NRG1: variants seen among roughly 807,000 people sequenced by gnomAD.
NRG1 encodes the protein neuregulin 1.
In NRG1, 18 loss-of-function variants were observed where a neutral mutation model predicts 63.8. The ratio of observed to expected loss-of-function variants is 0.28; its 90% CI spans 0.19 to 0.42. NRG1 has a LOEUF of 0.42. Ranked by LOEUF, NRG1 falls within the 10% of genes least tolerant of loss-of-function variation. The pLI is 1.00. For synonymous variants in NRG1, 302 were observed against 301.3 expected, an observed-to-expected ratio of 1.00 and a Z score of -0.02; for missense variants, 762 against 814.7, an observed-to-expected ratio of 0.94 and a Z score of 0.79.
rs542465007 is a variant in NRG1 at position 32,527,437 on chromosome 8, C to T, written c.38-68391C>T. Among the ~76,000 whole-genome samples the T allele has an allele frequency of 7.9e-5, 12 of 151,808 alleles. No individual in the cohort carries two copies. In the East Asian group the frequency reaches 2.1e-3, roughly 27 times the overall value. ...CAGAAAGTCAAATATTACATGTTCT[C>T]TACTTATAAGTGGGAGCTAAATATG... On this transcript the variant is annotated intron_variant, in intron 1 of 10. Coordinates refer to the NRG1 transcript ENST00000519301.
chr8:32,676,339 T>G (rs1807112639), intron 5 of NRG1, among the ~76,000 whole-genome samples: 1 of 152,152 alleles, frequency 6.6e-6, no homozygotes, highest in African/African-American at 2.4e-5. Context: ...CTTTGCACAC[T>G]TGGAAAGGTG....
rs574616651 is a variant in NRG1 at position 32,374,156 on chromosome 8, C to T, written c.38-221672C>T. Among the ~76,000 whole-genome samples the T allele has an allele frequency of 2.4e-4, 37 of 152,202 alleles. 1 individual carries two copies. The highest frequency in any genetic ancestry group is 7.7e-4 in the African/African-American group (32 of 41,542). On this transcript the variant is annotated intron_variant, in intron 1 of 10. Transcript: ENST00000519301. ...GGGTGACAAGTTGAATACAAAACTT[C>T]GGTGGAATTGAACGGGCTTATTTCA...
chr8:32,332,386 T>A (rs1166714963), intron 1 of NRG1, among the ~76,000 whole-genome samples: 1 of 152,154 alleles, frequency 6.6e-6, no homozygotes, highest in Non-Finnish European at 1.5e-5. Flanking sequence ...TAGTCTAGGT[T>A]TATTCTGCTC....
intron 5 of NRG1, among the ~76,000 whole-genome samples, chr8:32,628,125 A>AT (rs1215349730): frequency 4.6e-5 from 7 of 151,882 alleles, no homozygotes; most frequent in Non-Finnish European, 2.9e-5. Context: ...CTGTTGCTGC[A>AT]TTTTTTTTAA....
chr8:32,422,629 TG>T, intron 1 of NRG1, among the ~76,000 whole-genome samples: 1 of 152,332 alleles, frequency 6.6e-6, no homozygotes, highest in East Asian at 1.9e-4. Context: ...ATTACCAGTT[TG>T]CCAACCCAAA....
intron 1 of NRG1, among the ~76,000 whole-genome samples, chr8:31,821,322 A>C (rs1342175209): frequency 6.6e-6 from 1 of 152,092 alleles, no homozygotes; most frequent in Non-Finnish European, 1.5e-5. Context: ...CTAATGTTTT[A>C]GTTATAAGGT....
intron 1 of NRG1, among the ~76,000 whole-genome samples, chr8:32,085,035 G>T (rs920070606): frequency 2.0e-5 from 3 of 152,170 alleles, no homozygotes; most frequent in Non-Finnish European, 2.9e-5. Flanking sequence ...ACACATATGC[G>T]CAAGCGTAAC....
At chr8:32,708,633 A>C (rs1319784852) in intron 5 of NRG1, among the ~76,000 whole-genome samples, 1 of 152,214 alleles carries the variant, frequency 6.6e-6, no homozygotes, top group Non-Finnish European at 1.5e-5. Context: ...ACTTTCTAAT[A>C]AGTGCAGGTA....
At chr8:32,022,193 G>A (rs185031073) in intron 1 of NRG1, among the ~76,000 whole-genome samples, 1 of 152,278 alleles carries the variant, frequency 6.6e-6, no homozygotes, top group East Asian at 1.9e-4. Flanking sequence ...AATTGTCCCT[G>A]TGAATTTCAG....
At chr8:31,854,411 A>G (rs1827615019) in intron 1 of NRG1, among the ~76,000 whole-genome samples, 1 of 152,176 alleles carries the variant, frequency 6.6e-6, no homozygotes. Flanking sequence ...AGGTGTTTGT[A>G]GTATTCTCTG....
chr8:32,213,029 A>G (rs759260843), intron 1 of NRG1, among the ~76,000 whole-genome samples: 4 of 152,164 alleles, frequency 2.6e-5, no homozygotes, highest in Non-Finnish European at 5.9e-5. Context: ...CCTTGAGGTA[A>G]AGCAAAGTCT....
chr8:32,520,113 T>C (rs1290192489), intron 1 of NRG1, among the ~76,000 whole-genome samples: 1 of 152,176 alleles, frequency 6.6e-6, no homozygotes, highest in Non-Finnish European at 1.5e-5. Flanking sequence ...CACCACTCAG[T>C]GCTGGTGTGA....
At chr8:32,549,773 G>T (rs1364417943) in intron 1 of NRG1, among the ~76,000 whole-genome samples, 2 of 152,172 alleles carry the variant, frequency 1.3e-5, no homozygotes, top group African/African-American at 4.8e-5. Flanking sequence ...GGACAAAAGA[G>T]GCATGTCGAA....
intron 5 of NRG1, among the ~76,000 whole-genome samples, chr8:32,724,512 A>T (rs1428744794): frequency 6.6e-6 from 1 of 152,148 alleles, no homozygotes; most frequent in Non-Finnish European, 1.5e-5. Context: ...AGGAATACTG[A>T]GTGTGTACGG....
intron 1 of NRG1, among the ~76,000 whole-genome samples, chr8:31,731,434 AC>A (rs1814051646): frequency 6.6e-6 from 1 of 151,918 alleles, no homozygotes; most frequent in Admixed American, 6.6e-5. Context: ...ACACACACAC[AC>A]ACACACACAC....
intron 1 of NRG1, among the ~76,000 whole-genome samples, chr8:32,394,498 C>CTT (rs1812191787): frequency 6.6e-6 from 1 of 152,152 alleles, no homozygotes; most frequent in Non-Finnish European, 1.5e-5. Flanking sequence ...TTGCCTAATC[C>CTT]TTCACAGCAA....
At chr8:32,567,347 TA>T (rs1234846953) in intron 1 of NRG1, among the ~76,000 whole-genome samples, 15 of 152,318 alleles carry the variant, frequency 9.8e-5, no homozygotes, top group African/African-American at 3.6e-4. Context: ...TGACAAGGTG[TA>T]AATCTCACTG....
At chr8:32,230,178 A>G (rs1421021562) in intron 1 of NRG1, among the ~76,000 whole-genome samples, 1 of 152,222 alleles carries the variant, frequency 6.6e-6, no homozygotes, top group East Asian at 1.9e-4. Context: ...ACCTATACTA[A>G]GAGCACGAAC....
At chr8:32,334,333 A>G (rs1803000646) in intron 1 of NRG1, among the ~76,000 whole-genome samples, 1 of 152,234 alleles carries the variant, frequency 6.6e-6, no homozygotes, top group Non-Finnish European at 1.5e-5. Flanking sequence ...GTGTAATCTT[A>G]GAAAAAATAA....
Sources: gnomAD v4.1 joint callset for allele counts (sites outside exome capture counted in the v4.1 genomes callset) on GRCh38, gnomAD v4.1.1 for gene constraint, MANE v1.5 for transcripts, NCBI Gene and HGNC (gene_info 2026-07-23, HGNC 2026-07-21) for gene names.